The following MADD variants were observed in gnomAD, a reference collection of about 807,000 sequenced individuals.
MADD encodes MAP kinase activating death domain, also known as MAP kinase-activating death domain protein.
Under a neutral mutation model 176.7 loss-of-function variants are expected in MADD, and 109 were observed. The ratio of observed to expected loss-of-function variants is 0.62; its 90% CI spans 0.53 to 0.72. MADD has a LOEUF of 0.72. MADD is among the 30% of genes least tolerant of loss of function. The probability of loss-of-function intolerance (pLI) is 0.00; values close to 1 mark genes in which losing one functional copy is unlikely to be tolerated. For synonymous variants in MADD, 771 were observed against 771.3 expected (o/e 1.00, Z 0.01); for missense variants, 1,914 against 2,045.5 (o/e 0.94, Z 1.24).
chr11:47,316,385 CTTTTTTTTTTT>C (rs1008702414), intron 27 of MADD, among the ~76,000 whole-genome samples: 1 of 130,226 alleles, frequency 7.7e-6, no homozygotes, highest in African/African-American at 2.8e-5. Flanking sequence ...TTTTCTTTTT[CTTTTTTTTTTT>C]TTTTTTTTTT....
chr11:47,287,567 G>A (rs915213118), intron 15 of MADD, among the ~76,000 whole-genome samples: 4 of 151,774 alleles, frequency 2.6e-5, no homozygotes, highest in South Asian at 2.1e-4. Flanking sequence ...ATACCACCTC[G>A]CCTGGCTAAT....
intron 25 of MADD, among the ~76,000 whole-genome samples, chr11:47,310,677 G>A (rs976988853): frequency 4.0e-5 from 6 of 149,036 alleles, no homozygotes; most frequent in South Asian, 2.2e-4. Flanking sequence ...AGAACAGGGC[G>A]GGCAGATCAC....
exon 33 of MADD, chr11:47,330,024 C>T (rs576698174): frequency 5.9e-5 from 9 of 152,854 alleles, no homozygotes; most frequent in African/African-American, 2.2e-4. Flanking sequence ...TAAATGTCCT[C>T]AACTCCCTTC....
intron 22 of MADD, among the ~76,000 whole-genome samples, chr11:47,303,607 CTTTT>C (rs137937344): frequency 1.9e-5 from 2 of 105,536 alleles, no homozygotes; most frequent in Non-Finnish European, 3.8e-5. Flanking sequence ...TTGGAGAGGC[CTTTT>C]TTTTTTTTTT....
intron 27 of MADD, among the ~76,000 whole-genome samples, chr11:47,318,678 G>A (rs1284922288): frequency 2.0e-5 from 3 of 152,020 alleles, no homozygotes; most frequent in Admixed American, 6.6e-5. Context: ...TGCCAGGGAA[G>A]AGTGCACCAT....
rs553000922 is a variant in MADD at position 47,328,575 on chromosome 11, C to T, written c.4613-83C>T. 51 of 1,594,354 alleles carry T rather than the reference C, an allele frequency of 3.2e-5. 1 individual carries two copies. In the Admixed American group the frequency reaches 5.5e-4, roughly 17 times the overall value. On this transcript the variant is annotated intron_variant, in intron 31 of 32. Transcript: ENST00000402192. ...ACAGAGGGGAAGGGGACCCTGACGC[C>T]GGGCGCTGCCGCCTGGGGGAGCATG...
At chr11:47,316,169 ACG>A (rs10555583) in intron 27 of MADD, among the ~76,000 whole-genome samples, 59,217 of 151,536 alleles carry the variant, frequency 0.39, 12,391 homozygotes, top group East Asian at 0.69. Context: ...GCGCACACAC[ACG>A]CGCACACACA....
At chr11:47,276,064 G>A (rs753362200) in exon 4 of MADD, 1 of 1,614,188 alleles carries the variant, frequency 6.2e-7, no homozygotes, top group East Asian at 2.2e-5. Flanking sequence ...TACCCCAAGA[G>A]CTCCAGCCAG....
intron 7 of MADD, 104 bp from the exon 8 acceptor site, chr11:47,281,471 G>A: frequency 3.5e-6 from 3 of 869,426 alleles, no homozygotes; most frequent in Non-Finnish European, 5.0e-6. Context: ...TTTGACCAGA[G>A]AATACGAGGT....
intron 32 of MADD, 121 bp downstream of exon 36, chr11:47,328,825 C>A: frequency 7.6e-7 from 1 of 1,321,946 alleles, no homozygotes; most frequent in Non-Finnish European, 1.1e-6. Context: ...CGTTTTGTTG[C>A]CAAAGGTTCA....
exon 31 of MADD, chr11:47,326,770 C>T (rs1378227751): frequency 6.2e-7 from 1 of 1,614,094 alleles, no homozygotes. Flanking sequence ...TTAAAAAGTG[C>T]AATACAGTTC....
chr11:47,293,327 A>G (rs1009434640), intron 19 of MADD, among the ~76,000 whole-genome samples: 1 of 141,696 alleles, frequency 7.1e-6, no homozygotes. Context: ...TTTGAGATGG[A>G]GTCTTGCTCT....
chr11:47,289,304 C>A, intron 15 of MADD, 87 bp from the exon 17 acceptor site: 3 of 1,116,814 alleles, frequency 2.7e-6, no homozygotes, highest in Non-Finnish European at 4.1e-6. Flanking sequence ...GAGGAACGGG[C>A]ATGGAACATG....
chr11:47,290,275 G>A, exon 18 of MADD: 1 of 1,614,072 alleles, frequency 6.2e-7, no homozygotes, highest in Non-Finnish European at 8.5e-7. Context: ...TTTGGAGATT[G>A]CCCAGACCCA....
chr11:47,306,440 T>G (rs1274895684), intron 22 of MADD, among the ~76,000 whole-genome samples: 1 of 152,192 alleles, frequency 6.6e-6, no homozygotes, highest in Non-Finnish European at 1.5e-5. Flanking sequence ...TATTGGCTCC[T>G]TCTCTGGAGG....
chr11:47,306,437 T>A (rs981179937), intron 22 of MADD, among the ~76,000 whole-genome samples: 1 of 152,174 alleles, frequency 6.6e-6, no homozygotes, highest in Non-Finnish European at 1.5e-5. Context: ...TAGTATTGGC[T>A]CCTTCTCTGG....
intron 29 of MADD, 51 bp downstream of exon 32, chr11:47,324,388 T>G (rs777377334): frequency 1.2e-6 from 2 of 1,607,122 alleles, no homozygotes; most frequent in Admixed American, 3.3e-5. Flanking sequence ...CCAGTCCTTC[T>G]GAGTGTCAGG....
In MADD at chr11:47,274,718, A is replaced by G. The variant is rs149214765; in HGVS notation, c.218A>G (p.Asp73Gly). Residue 73 changes from aspartate (D) to glycine (G), a missense_variant, in exon 3 of 33, where the codon GAT becomes GGT. Asp to Gly is a moderately conservative substitution (Grantham distance 94). Coordinates refer to ENST00000402192, the Ensembl canonical transcript of MADD. Reference sequence around the variant, plus strand: ...CGGCAGCGGCGCATGAGCCTTCGGGATGATACCTCTTTTGTCTTCACCCTC... The same window carrying G: ...CGGCAGCGGCGCATGAGCCTTCGGGGTGATACCTCTTTTGTCTTCACCCTC... 350 of 1,614,020 alleles carry G rather than the reference A, an allele frequency of 2.2e-4. No homozygotes were observed. The highest frequency in any genetic ancestry group is 2.9e-4 in the Non-Finnish European group (343 of 1,180,028).
intron 7 of MADD, among the ~76,000 whole-genome samples, chr11:47,280,388 A>G (rs1372632764): frequency 1.3e-5 from 2 of 152,160 alleles, no homozygotes; most frequent in African/African-American, 4.8e-5. Context: ...CAGTTGCTTC[A>G]TCACTGCTAA....
Sources: allele counts gnomAD v4.1 joint callset (sites outside exome capture counted in the v4.1 genomes callset), GRCh38; gene constraint gnomAD v4.1.1; transcripts MANE v1.5; gene names NCBI Gene and HGNC (gene_info 2026-07-23, HGNC 2026-07-21).